Variants in ANKRD42 observed in about 807,000 individuals in gnomAD.
ANKRD42 encodes ankyrin repeat domain-containing protein 42.
In ANKRD42, 43 loss-of-function variants were observed where a neutral mutation model predicts 51.5. The observed-to-expected ratio is 0.83, with a 90% CI of 0.65 to 1.08. ANKRD42 has a LOEUF of 1.08. ANKRD42 is among the 50% of genes least tolerant of loss of function. The pLI is 0.00. For synonymous variants in ANKRD42, 203 were observed against 213.0 expected (o/e 0.95, Z 0.41); for missense variants, 608 against 629.3 (o/e 0.97, Z 0.36).
chr11:83,206,211 T>A (rs1376735969), intron 3 of ANKRD42, 46 bp downstream of exon 3: 2 of 1,428,512 alleles, frequency 1.4e-6, no homozygotes, highest in Non-Finnish European at 2.0e-6. Context: ...TTTAACATAG[T>A]TCTGTTGGGA....
chr11:83,200,825 TAGGATAAAGTTCA>T (rs1861840364), intron 2 of ANKRD42, among the ~76,000 whole-genome samples: 1 of 152,206 alleles, frequency 6.6e-6, no homozygotes, highest in Non-Finnish European at 1.5e-5. Context: ...CTGCCCTCCA[TAGGATAAAGTTCA>T]AGCCATTTAA....
rs761893987 is a variant in ANKRD42 at position 83,211,411 on chromosome 11, C to T, written c.567C>T (p.Asp189=). The T allele has an allele frequency of 3.1e-6, 5 of 1,613,984 alleles. No individual in the cohort carries two copies. In the African/African-American group the frequency reaches 6.7e-5, roughly 22 times the overall value. Reference sequence around the variant, plus strand: ...GGGGTTGTAGCATAGAAGATGTGGACTACAATGGAAACCTTCCAGGTATTT... The same window carrying T: ...GGGGTTGTAGCATAGAAGATGTGGATTACAATGGAAACCTTCCAGGTATTT... ...VKWGCSIEDV[D]YNGNLPVHLA... Residue 189 remains aspartate, a synonymous_variant, in exon 5 of 11, where the codon GAC becomes GAT. Coordinates refer to ENST00000533342, the MANE Select transcript of ANKRD42 (RefSeq NM_001300975.2).
In ANKRD42 at chr11:83,203,518, C is replaced by T. The variant is rs536030074; in HGVS notation, c.223-2540C>T. Among the ~76,000 whole-genome samples the T allele has an allele frequency of 1.9e-4, 29 of 149,730 alleles. No individual in the cohort carries two copies. The East Asian group carries it at 4.5e-3, about 23-fold the overall frequency. ...AAATGATTCTCCTGCCTCAGCCTCC[C>T]GAATAGCTGGGACTACAGGCATGTG... On this transcript the variant is annotated intron_variant, in intron 2 of 10. Transcript: ENST00000533342.
chr11:83,215,774 T>C (rs1862507788), intron 5 of ANKRD42, among the ~76,000 whole-genome samples: 1 of 152,116 alleles, frequency 6.6e-6, no homozygotes, highest in African/African-American at 2.4e-5. Flanking sequence ...TTTTTGTTGC[T>C]TCTATTTACA....
At position 83,248,629 on chromosome 11, in the gene ANKRD42, T is replaced by C. The variant is rs1401028564; in HGVS notation, c.*425T>C. 1 of 985,982 alleles carries C rather than the reference T, an allele frequency of 1.0e-6. No homozygotes were observed. The highest frequency in any genetic ancestry group is 5.1e-4 in the Middle Eastern group (1 of 1,944). 61.1% of individuals were successfully genotyped at this position (985,982 alleles called of 1,614,324 possible). On this transcript the variant is annotated 3_prime_UTR_variant, in exon 11 of 11. Transcript: ENST00000533342. ...TTTGAGGCTTGTGTCACCTCAAATC[T>C]GATCTATTAATATTATAGAATCTTC...
intron 7 of ANKRD42, 65 bp from the exon 8 acceptor site, chr11:83,236,339 A>G (rs1029144336): frequency 5.0e-6 from 7 of 1,410,568 alleles, no homozygotes; most frequent in Non-Finnish European, 6.8e-6. Flanking sequence ...AAAATTTTAG[A>G]AAATTGTTAC....
chr11:83,252,483 A>G (rs1219779800), downstream of ANKRD42, among the ~76,000 whole-genome samples: 1 of 152,248 alleles, frequency 6.6e-6, no homozygotes, highest in Non-Finnish European at 1.5e-5. Flanking sequence ...ACATTTTGCT[A>G]TATTCATACA....
intron 3 of ANKRD42, chr11:83,209,277 A>G (rs1014731015): frequency 7.6e-6 from 5 of 654,692 alleles, no homozygotes; most frequent in South Asian, 5.4e-5. Context: ...AATCAATATT[A>G]TAAGTGTCTT....
At chr11:83,223,320 A>G (rs1009302988) in intron 5 of ANKRD42, among the ~76,000 whole-genome samples, 3 of 152,220 alleles carry the variant, frequency 2.0e-5, no homozygotes, top group African/African-American at 7.2e-5. Flanking sequence ...CGGTAGTGGC[A>G]TGCGTAAGAA....
chr11:83,223,910 T>C (rs1862793065), intron 5 of ANKRD42, among the ~76,000 whole-genome samples: 1 of 152,068 alleles, frequency 6.6e-6, no homozygotes, highest in Admixed American at 6.5e-5. Context: ...TTTGTAATCA[T>C]TGCCTCAAAG....
intron 2 of ANKRD42, 66 bp from the exon 3 acceptor site, chr11:83,205,992 A>G: frequency 7.1e-7 from 1 of 1,408,992 alleles, no homozygotes; most frequent in Non-Finnish European, 9.9e-7. Context: ...ATAACAGACC[A>G]AATTTAAAAG....
Position 83,221,233 on chromosome 11 carries a change from T to G in ANKRD42, c.587-3622T>G, listed in dbSNP as rs79969114. 5.8e-3 allele frequency among the ~76,000 whole-genome samples: 889 copies of G among 152,346 alleles called. 9 individuals carry two copies. Among genetic ancestry groups the G allele is most frequent in the African/African-American group, 0.021 (858 of 41,580 alleles). On this transcript the variant is annotated intron_variant, in intron 5 of 10. Transcript: ENST00000533342. ...TCTCAATTTTAAGATTTCTGTTTGA[T>G]TTTAAAAATTATTTAAAATATTTTT...
chr11:83,261,901 A>C, downstream of ANKRD42: 5 of 1,590,818 alleles, frequency 3.1e-6, no homozygotes, highest in Non-Finnish European at 4.3e-6. Context: ...CAGCAGGATG[A>C]GCATTAATAC....
At position 83,220,781 on chromosome 11, in the gene ANKRD42, C is replaced by T. The variant is rs183602701; in HGVS notation, c.587-4074C>T. Among the ~76,000 whole-genome samples, 369 of 152,050 alleles carry T rather than the reference C, an allele frequency of 2.4e-3. 4 individuals carry two copies. The highest frequency in any genetic ancestry group is 8.7e-3 in the African/African-American group (363 of 41,488). ...AACTGGGGCACCTTTATATGTTATT[C>T]GTTTCTTTATTGTTTCTGCTTTTAA... On this transcript the variant is annotated intron_variant, in intron 5 of 10. Coordinates refer to ENST00000533342, the MANE Select transcript of ANKRD42 (RefSeq NM_001300975.2).
intron 5 of ANKRD42, chr11:83,213,088 T>G (rs774951742): frequency 2.3e-5 from 37 of 1,600,690 alleles, no homozygotes; most frequent in Middle Eastern, 3.3e-4. Context: ...CTGACTGATA[T>G]GTCAAAATTA....
intron 3 of ANKRD42, chr11:83,209,471 C>T: frequency 1.4e-6 from 2 of 1,391,122 alleles, no homozygotes; most frequent in Non-Finnish European, 2.0e-6. Flanking sequence ...TGTCGTGCTG[C>T]CCAAGGACAT....
At chr11:83,211,633 C>CAA (rs796348054) in intron 5 of ANKRD42, among the ~76,000 whole-genome samples, 10 of 107,548 alleles carry the variant, frequency 9.3e-5, no homozygotes, top group Non-Finnish European at 1.2e-4. Context: ...CCACTCTCTA[C>CAA]AAAAAAAAAA....
intron 2 of ANKRD42, among the ~76,000 whole-genome samples, chr11:83,201,019 A>G (rs1395666189): frequency 6.6e-6 from 1 of 151,994 alleles, no homozygotes; most frequent in Non-Finnish European, 1.5e-5. Context: ...TCTAGGATAC[A>G]TGGGCAGAAC....
At chr11:83,230,663 C>T (rs1456850639) in intron 7 of ANKRD42, among the ~76,000 whole-genome samples, 17 of 151,954 alleles carry the variant, frequency 1.1e-4, no homozygotes, top group African/African-American at 3.6e-4. Context: ...CTCTGCTCAC[C>T]GCAACCTATT....
Sources: allele counts gnomAD v4.1 joint callset (sites outside exome capture counted in the v4.1 genomes callset), GRCh38; gene constraint gnomAD v4.1.1; transcripts MANE v1.5; gene names NCBI Gene and HGNC (gene_info 2026-07-23, HGNC 2026-07-21).